The following NIM1K variants were observed in gnomAD, a reference collection of about 807,000 sequenced individuals.
NIM1K encodes NIM1 serine/threonine protein kinase, also known as serine/threonine-protein kinase NIM1.
A neutral mutation model predicts 37.1 loss-of-function variants in NIM1K; 35 were observed. That is an observed-to-expected ratio of 0.94 (90% CI 0.72 to 1.25). NIM1K has a LOEUF of 1.25. NIM1K is among the 50% of genes most tolerant of loss of function. NIM1K has a pLI of 0.00. For missense variants in NIM1K, 564 were observed against 548.0 expected (o/e 1.03, Z -0.29); for synonymous variants, 234 against 206.6 (o/e 1.13, Z -1.14).
rs1752391980 is a variant in NIM1K, at chr5:43,222,330, AAG to A, written c.-694-22744_-694-22743del. ...GGTGGGTTGCTGGGTGGGCAGTGAG[AAG>A]AGAGAGAAGAAAACTATTAGTGATA... On this transcript the variant is annotated intron_variant, in intron 1 of 3. Transcript: ENST00000326035. 2.0e-5 allele frequency among the ~76,000 whole-genome samples: 3 copies of A among 152,280 alleles called. No individual in the cohort carries two copies. In the South Asian group the frequency reaches 6.2e-4, roughly 32 times the overall value.
chr5:43,246,501 C>T (rs1189020814), intron 2 of NIM1K, among the ~76,000 whole-genome samples: 1 of 151,870 alleles, frequency 6.6e-6, no homozygotes, highest in East Asian at 2.0e-4. Flanking sequence ...TTATAGTTTC[C>T]ATTTACATTT....
intron 2 of NIM1K, among the ~76,000 whole-genome samples, chr5:43,249,048 A>T (rs1349396706): frequency 1.6e-4 from 16 of 98,804 alleles, no homozygotes; most frequent in South Asian, 7.6e-4. Context: ...GTTTATTTTT[A>T]TTTATTTATT....
At chr5:43,278,927 C>T (rs1753395433) in intron 3 of NIM1K, among the ~76,000 whole-genome samples, 1 of 152,180 alleles carries the variant, frequency 6.6e-6, no homozygotes, top group African/African-American at 2.4e-5. Flanking sequence ...CTGTGGTGAG[C>T]TTTCCCAGGG....
intron 2 of NIM1K, among the ~76,000 whole-genome samples, chr5:43,249,525 A>G (rs1752836986): frequency 1.3e-5 from 2 of 152,236 alleles, no homozygotes; most frequent in South Asian, 4.1e-4. Flanking sequence ...TGGATGTAGA[A>G]CTGAAGATGG....
At chr5:43,274,692 C>T (rs1437639712) in intron 2 of NIM1K, among the ~76,000 whole-genome samples, 7 of 152,206 alleles carry the variant, frequency 4.6e-5, no homozygotes, top group Non-Finnish European at 1.0e-4. Flanking sequence ...GAGCTGCCCT[C>T]CCACCGCTCA....
chr5:43,198,159 C>A (rs529952495), intron 1 of NIM1K, among the ~76,000 whole-genome samples: 30 of 50,806 alleles, frequency 5.9e-4, no homozygotes, highest in African/African-American at 1.9e-3. Context: ...TTCTTTCTTT[C>A]TTTCTTTCTT....
At chr5:43,210,991 T>G (rs1752196690) in intron 1 of NIM1K, among the ~76,000 whole-genome samples, 1 of 151,822 alleles carries the variant, frequency 6.6e-6, no homozygotes, top group Non-Finnish European at 1.5e-5. Context: ...GCTAACATGG[T>G]GAAACCCCCA....
chr5:43,271,918 A>G (rs1753262465), intron 2 of NIM1K, among the ~76,000 whole-genome samples: 3 of 152,194 alleles, frequency 2.0e-5, no homozygotes, highest in Non-Finnish European at 1.5e-5. Flanking sequence ...ACAAGAAATC[A>G]TACAGTAGTA....
rs200164841 is a variant in NIM1K, at chr5:43,245,972, C to T, written c.197C>T (p.Thr66Met). 333 of 1,614,022 alleles carry T rather than the reference C, an allele frequency of 2.1e-4. 1 individual carries two copies. In the Middle Eastern group the frequency reaches 4.6e-3, roughly 22 times the overall value. The change falls in exon 2 of 4, where the codon ACG (threonine) becomes ATG (methionine). Residue 66 changes from threonine to methionine, a missense_variant. By Grantham distance (81) the Thr-to-Met change is moderately conservative (BLOSUM62 -1). Coordinates refer to ENST00000326035, the MANE Select transcript of NIM1K (RefSeq NM_153361.4). ...SQDEKVVREI[T>M]LGKRIGFYRI... ...GATGAGAAGGTGGTGAGGGAGATCA[C>T]GCTGGGGAAACGGATAGGCTTCTAC...
At chr5:43,196,717 C>T (rs113029278) in intron 1 of NIM1K, among the ~76,000 whole-genome samples, 1 of 152,092 alleles carries the variant, frequency 6.6e-6, no homozygotes, top group Non-Finnish European at 1.5e-5. Context: ...TCATTTTGAA[C>T]TCTTGGCTGT....
chr5:43,205,135 C>T (rs1752090058), intron 1 of NIM1K, among the ~76,000 whole-genome samples: 1 of 152,192 alleles, frequency 6.6e-6, no homozygotes, highest in South Asian at 2.1e-4. Context: ...TGGCAGTGGC[C>T]TGTTTCGTAG....
At chr5:43,208,024 TAGAC>T in intron 1 of NIM1K, among the ~76,000 whole-genome samples, 1 of 152,322 alleles carries the variant, frequency 6.6e-6, no homozygotes, top group Middle Eastern at 3.4e-3. Context: ...GAAGGATGGT[TAGAC>T]AGCACAGCGA....
At chr5:43,267,714 T>G (rs1753186387) in intron 2 of NIM1K, among the ~76,000 whole-genome samples, 1 of 152,224 alleles carries the variant, frequency 6.6e-6, no homozygotes, top group African/African-American at 2.4e-5. Flanking sequence ...AACCCAAAAT[T>G]TATACAGGAG....
At chr5:43,206,703 G>A in intron 1 of NIM1K, 6 of 702,468 alleles carry the variant, frequency 8.5e-6, no homozygotes, top group Non-Finnish European at 1.6e-5. Flanking sequence ...ACAGGGCCTC[G>A]CCTCACTAAG....
intron 1 of NIM1K, among the ~76,000 whole-genome samples, chr5:43,197,611 G>A (rs1751937873): frequency 6.6e-6 from 1 of 152,160 alleles, no homozygotes; most frequent in Non-Finnish European, 1.5e-5. Context: ...CAGAGGTACT[G>A]ATTTTTCCAC....
chr5:43,243,543 TG>T (rs1467302879), intron 1 of NIM1K, among the ~76,000 whole-genome samples: 1 of 152,156 alleles, frequency 6.6e-6, no homozygotes, highest in Non-Finnish European at 1.5e-5. Flanking sequence ...TCAGTGATTT[TG>T]GCTGAGTACA....
intron 1 of NIM1K, chr5:43,232,898 G>A: frequency 8.8e-7 from 1 of 1,141,576 alleles, no homozygotes; most frequent in East Asian, 2.3e-5. Flanking sequence ...CCTGTGATGA[G>A]CTGCTCAGGG....
At chr5:43,228,796 A>G (rs1182522595) in intron 1 of NIM1K, among the ~76,000 whole-genome samples, 1 of 152,052 alleles carries the variant, frequency 6.6e-6, no homozygotes, top group African/African-American at 2.4e-5. Context: ...GTTCCACTGT[A>G]CTCCAGCCTG....
rs748737508 is a variant in NIM1K, at chr5:43,280,762, G to A, written c.*33G>A. On this transcript the variant is annotated 3_prime_UTR_variant, in exon 4 of 4. Transcript: ENST00000326035. ...TAGACTGCTTGTAACTAACCAAGAT[G>A]ATTGTTGCTGCTTCTAAATTTTTTT... 4.0e-6 allele frequency: 6 copies of A among 1,499,536 alleles called. No homozygotes were observed. Among genetic ancestry groups the A allele is most frequent in the Non-Finnish European group, 4.5e-6 (5 of 1,123,326 alleles). 92.9% of individuals were successfully genotyped at this position (1,499,536 alleles called of 1,614,324 possible). A position where few individuals can be genotyped will look rare whatever the true frequency, so the allele number is the denominator to read the frequency against.
Sources: allele counts gnomAD v4.1 joint callset (sites outside exome capture counted in the v4.1 genomes callset), GRCh38; gene constraint gnomAD v4.1.1; transcripts MANE v1.5; gene names NCBI Gene and HGNC (gene_info 2026-07-23, HGNC 2026-07-21).